Variants in RBFOX3 observed in about 807,000 individuals in gnomAD.
RBFOX3 encodes RNA binding protein fox-1 homolog 3.
In RBFOX3, 17 loss-of-function variants were observed where a neutral mutation model predicts 48.7. The ratio of observed to expected loss-of-function variants is 0.35; its 90% CI spans 0.24 to 0.52. The LOEUF (loss-of-function observed/expected upper bound fraction) is 0.52. RBFOX3 is among the 20% of genes least tolerant of loss of function. The probability of loss-of-function intolerance (pLI) is 0.94; values close to 1 mark genes in which losing one functional copy is unlikely to be tolerated. For synonymous variants in RBFOX3, 212 were observed against 209.5 expected (o/e 1.01, Z -0.10); for missense variants, 382 against 497.5 (o/e 0.77, Z 2.21).
intron 4 of RBFOX3, among the ~76,000 whole-genome samples, chr17:79,169,057 C>T (rs575996260): frequency 2.0e-5 from 3 of 152,264 alleles, no homozygotes; most frequent in East Asian, 3.9e-4. Flanking sequence ...ACCTTCCAAA[C>T]AGCCCCCTGG....
At chr17:79,636,699 T>G in the RBFOX3 span, among the ~76,000 whole-genome samples, 1 of 150,164 alleles carries the variant, frequency 6.7e-6, no homozygotes, top group Admixed American at 6.7e-5. Context: ...AATCAAAGTA[T>G]GCCACTATAA....
rs766941741 is a variant in RBFOX3, at chr17:79,264,965, AGG to A, written c.-73-29162_-73-29161del. On this transcript the variant is annotated intron_variant, in intron 3 of 14. Transcript: ENST00000693108. ...CCTTGGAGACCCTCAGTGCGAGAGG[AGG>A]GGGGGGGGGCGCAGATTTGTGGCGA... is the stretch of plus-strand genomic sequence containing the variant. Among the ~76,000 whole-genome samples, 111 of 132,970 alleles carry A rather than the reference AGG, an allele frequency of 8.3e-4. No individual in the cohort carries two copies. In the Middle Eastern group the frequency reaches 0.011, roughly 13 times the overall value. The allele number at this position is 132,970 out of a possible 152,430, so 87.2% of individuals were successfully genotyped here. A position where few individuals can be genotyped will look rare whatever the true frequency, so the allele number is the denominator to read the frequency against.
chr17:79,595,245 G>A (rs1012878635), intron 1 of RBFOX3, among the ~76,000 whole-genome samples: 40 of 152,208 alleles, frequency 2.6e-4, no homozygotes, highest in African/African-American at 8.7e-4. Flanking sequence ...AAACCGGCAC[G>A]CAGACACGCA....
chr17:79,637,785 GGGGAA>G, the RBFOX3 span, among the ~76,000 whole-genome samples: 1 of 64,298 alleles, frequency 1.6e-5, no homozygotes, highest in African/African-American at 6.0e-5. Context: ...GGGGAAGGGA[GGGGAA>G]GAGAAGGGAA....
At chr17:79,303,673 G>C (rs148702929) in intron 3 of RBFOX3, among the ~76,000 whole-genome samples, 92 of 152,204 alleles carry the variant, frequency 6.0e-4, no homozygotes, top group Middle Eastern at 6.8e-3. Flanking sequence ...CCCCGAGAAT[G>C]GTTGCTAGGG....
At chr17:79,151,167 A>C (rs2044332121) in intron 4 of RBFOX3, among the ~76,000 whole-genome samples, 1 of 151,974 alleles carries the variant, frequency 6.6e-6, no homozygotes, top group African/African-American at 2.4e-5. Context: ...CGGGGCAAGC[A>C]ACAAAGCCGG....
intron 3 of RBFOX3, among the ~76,000 whole-genome samples, chr17:79,253,893 C>T (rs1384985403): frequency 1.3e-5 from 2 of 152,240 alleles, no homozygotes; most frequent in East Asian, 3.8e-4. Flanking sequence ...ACGGAGGAAG[C>T]TCAGAGAGGT....
intron 3 of RBFOX3, among the ~76,000 whole-genome samples, chr17:79,250,576 T>C (rs998621923): frequency 6.6e-6 from 1 of 152,182 alleles, no homozygotes; most frequent in South Asian, 2.1e-4. Flanking sequence ...CGATACTCAA[T>C]GAACATTTGC....
At chr17:79,302,655 C>T (rs925106529) in intron 3 of RBFOX3, among the ~76,000 whole-genome samples, 10 of 152,024 alleles carry the variant, frequency 6.6e-5, no homozygotes, top group African/African-American at 2.2e-4. Flanking sequence ...AAAACTCTGT[C>T]TCAAAAGAAA....
At chr17:79,097,173 T>TC (rs147472360) in intron 11 of RBFOX3, 119 bp downstream of exon 11, 31,171 of 661,142 alleles carry the variant, frequency 0.047, 510 homozygotes, top group Admixed American at 0.059. Flanking sequence ...CCCACGATCC[T>TC]CCCCCCCCCC....
chr17:79,142,116 GC>G (rs1204335718), intron 4 of RBFOX3, among the ~76,000 whole-genome samples: 1 of 152,220 alleles, frequency 6.6e-6, no homozygotes, highest in Non-Finnish European at 1.5e-5. Flanking sequence ...AAATATCGCA[GC>G]TTTTAACTGG....
rs1166882886 is a variant in RBFOX3 at position 79,220,480 on chromosome 17, C to T, written c.-34+15286G>A. On this transcript the variant is annotated intron_variant, in intron 4 of 14. Transcript: ENST00000693108. The surrounding 1 kb of genome is among the most constrained non-coding windows in gnomAD (Gnocchi z 5.9). ...CCGTGCCTGCTCTCCGCTCGCCCAT[C>T]GATGGGGTCCTGCCCGGCACTGCCC... Among the ~76,000 whole-genome samples, 4 of 152,110 alleles carry T rather than the reference C, an allele frequency of 2.6e-5. No individual in the cohort carries two copies. Among genetic ancestry groups the T allele is most frequent in the Non-Finnish European group, 1.5e-5 (1 of 68,038 alleles).
chr17:79,257,167 C>T (rs577134706), intron 3 of RBFOX3, among the ~76,000 whole-genome samples: 9 of 152,160 alleles, frequency 5.9e-5, no homozygotes, highest in African/African-American at 1.9e-4. Flanking sequence ...CAATCAATGC[C>T]GGGAAGTGAC....
chr17:79,336,185 G>A (rs1473918389), intron 2 of RBFOX3, among the ~76,000 whole-genome samples: 1 of 152,014 alleles, frequency 6.6e-6, no homozygotes, highest in South Asian at 2.1e-4. Context: ...TCAGGAGTTC[G>A]AGACCAGCCT....
chr17:79,208,965 G>A (rs1236850436), intron 4 of RBFOX3, among the ~76,000 whole-genome samples: 1 of 152,130 alleles, frequency 6.6e-6, no homozygotes, highest in Non-Finnish European at 1.5e-5. Flanking sequence ...ACAGGCACCC[G>A]CCACCACGCC....
At chr17:79,434,802 T>C (rs553164331) in intron 2 of RBFOX3, among the ~76,000 whole-genome samples, 1 of 152,282 alleles carries the variant, frequency 6.6e-6, no homozygotes, top group African/African-American at 2.4e-5. Context: ...GGTTCATTAA[T>C]GGGGAGAGAA....
At chr17:79,117,532 T>C (rs1249469624) in intron 4 of RBFOX3, among the ~76,000 whole-genome samples, 1 of 152,202 alleles carries the variant, frequency 6.6e-6, no homozygotes, top group Non-Finnish European at 1.5e-5. Flanking sequence ...CCCGCTTCCC[T>C]CCACACCCAC....
At chr17:79,598,957 C>G (rs1157011235) in intron 1 of RBFOX3, 3 of 152,168 alleles carry the variant, frequency 2.0e-5, no homozygotes, top group Admixed American at 6.5e-5. Context: ...AGGTTGCTCC[C>G]TGTGGGGTGA....
intron 2 of RBFOX3, among the ~76,000 whole-genome samples, chr17:79,406,158 G>A (rs2063506352): frequency 1.3e-5 from 2 of 152,324 alleles, no homozygotes; most frequent in African/African-American, 4.8e-5. Context: ...ATGCCTGTCT[G>A]TGTTGTTCAG....
Sources: allele counts gnomAD v4.1 joint callset (sites outside exome capture counted in the v4.1 genomes callset), GRCh38; gene constraint gnomAD v4.1.1; non-coding constraint Gnocchi (gnomAD v3.1); transcripts MANE v1.5; gene names NCBI Gene and HGNC (gene_info 2026-07-23, HGNC 2026-07-21).